The following ASB9 variants were observed in gnomAD, a reference collection of about 807,000 sequenced individuals.
ASB9 encodes the protein ankyrin repeat and SOCS box containing 9, also known as ankyrin repeat and SOCS box protein 9.
A neutral mutation model predicts 16.6 loss-of-function variants in ASB9; 5 were observed. The ratio of observed to expected loss-of-function variants is 0.30; its 90% CI spans 0.16 to 0.63. The LOEUF is 0.63. Ranked by LOEUF, ASB9 falls within the 30% of genes least tolerant of loss-of-function variation. ASB9 has a pLI of 0.82. For missense variants in ASB9, 216 were observed against 229.4 expected (o/e 0.94, Z 0.38); for synonymous variants, 100 against 86.4 (o/e 1.16, Z -0.87).
intron 5 of ASB9, among the ~76,000 whole-genome samples, 199 bp downstream of exon 5, chrX:15,250,231 C>T (rs1015259205): frequency 3.6e-5 from 4 of 110,712 alleles, no homozygotes; most frequent in Admixed American, 9.6e-5. Flanking sequence ...CCTCCTCCTC[C>T]TCATCCTTGT....
upstream of ASB9, chrX:15,270,420 T>C (rs1255228482): frequency 8.9e-6 from 1 of 112,559 alleles, no homozygotes; most frequent in East Asian, 2.8e-4. Flanking sequence ...GCAGCCCTGC[T>C]GAATTGCTTG....
chrX:15,248,392 C>A (rs760834107), intron 6 of ASB9, among the ~76,000 whole-genome samples: 2 of 112,236 alleles, frequency 1.8e-5, no homozygotes, highest in Admixed American at 9.4e-5. Flanking sequence ...CGGCCTCTTA[C>A]AACCCCAAAG....
At chrX:15,252,118 C>T in intron 4 of ASB9, 136 bp downstream of exon 4, 1 of 680,283 alleles carries the variant, frequency 1.5e-6, no homozygotes, top group Non-Finnish European at 2.1e-6. Context: ...CAGGCCAGGT[C>T]ATGCTGATGC....
rs1280305153 is a variant in ASB9, at chrX:15,252,114, A to G, written c.433+140T>C. The G allele has an allele frequency of 2.6e-5, 17 of 641,739 alleles. No homozygotes were observed. The East Asian group carries it at 5.5e-4, about 21-fold the overall frequency. 52.9% of individuals were successfully genotyped at this position (641,739 alleles called of 1,213,427 possible). ...GCCGAAGAATCTGCATTTGCAGGCC[A>G]GGTCATGCTGATGCTTCCAGTCCTG... On this transcript the variant is annotated intron_variant, in intron 4 of 6. Transcript: ENST00000380488.
intron 1 of ASB9, among the ~76,000 whole-genome samples, chrX:15,260,852 C>T (rs991994272): frequency 8.9e-6 from 1 of 112,207 alleles, no homozygotes; most frequent in Admixed American, 9.5e-5. Flanking sequence ...TGTCTGCCAC[C>T]TGAAGCCATC....
intron 2 of ASB9, among the ~76,000 whole-genome samples, chrX:15,257,590 C>T (rs1925678568): frequency 9.0e-6 from 1 of 111,569 alleles, no homozygotes; most frequent in Admixed American, 9.5e-5. Flanking sequence ...AGTTCATCAT[C>T]AAGCTACAGT....
In ASB9 at chrX:15,252,236, A is replaced by T; in HGVS notation, c.433+18T>A. The T allele has an allele frequency of 8.5e-7, 1 of 1,180,061 alleles. No individual in the cohort carries two copies. The highest frequency in any genetic ancestry group is 1.1e-6 in the Non-Finnish European group (1 of 881,100). On this transcript the variant is annotated intron_variant, in intron 4 of 6. Coordinates refer to ENST00000380488, the MANE Select transcript of ASB9 (RefSeq NM_001031739.3). ...CCTTGAAGGAGTGGGTAGAAAAAAA[A>T]ATTCTCAACAGATTTACCTCTCCTA...
At chrX:15,269,660 C>A in intron 1 of ASB9, 121 bp downstream of exon 1, 1 of 450,189 alleles carries the variant, frequency 2.2e-6, no homozygotes, top group Non-Finnish European at 3.7e-6. Context: ...GAGCTGTGGA[C>A]ATCTGCCCAG....
intron 1 of ASB9, among the ~76,000 whole-genome samples, chrX:15,267,250 A>G (rs1420710962): frequency 1.9e-5 from 2 of 107,025 alleles, no homozygotes; most frequent in Non-Finnish European, 3.9e-5. Flanking sequence ...TACAAAAAAA[A>G]AACACCCCAA....
chrX:15,267,417 A>AATAT (rs1555934602), intron 1 of ASB9, among the ~76,000 whole-genome samples: 5,932 of 76,002 alleles, frequency 0.078, 136 homozygotes, highest in East Asian at 0.14. Context: ...CTAAAAAAAA[A>AATAT]ATATATATAT....
chrX:15,248,574 C>T, intron 6 of ASB9, 170 bp downstream of exon 6: 1 of 830,269 alleles, frequency 1.2e-6, no homozygotes, highest in South Asian at 3.4e-5. Context: ...TGTACTGTGA[C>T]CAGTACTGTA....
At chrX:15,263,974 A>T (rs2147657203) in intron 1 of ASB9, among the ~76,000 whole-genome samples, 1 of 111,685 alleles carries the variant, frequency 9.0e-6, no homozygotes, top group African/African-American at 3.2e-5. Flanking sequence ...GTAGGTATAA[A>T]TTAGCCTCCT....
rs372392399 is a variant in ASB9 at position 15,260,347 on chromosome X, G to A, written c.95-1402C>T. 3.9e-4 allele frequency among the ~76,000 whole-genome samples: 44 copies of A among 111,903 alleles called. 1 individual carries two copies. Among genetic ancestry groups the A allele is most frequent in the African/African-American group, 1.2e-3 (36 of 30,758 alleles). On this transcript the variant is annotated intron_variant, in intron 1 of 6. Coordinates refer to ENST00000380488, the MANE Select transcript of ASB9 (RefSeq NM_001031739.3). ...CGGGAGGCGGAGGTTGCAGTGAGCC[G>A]AGATCATGCCACTGCACTCCAGCCT...
At chrX:15,255,180 A>C (rs1925440449) in intron 2 of ASB9, among the ~76,000 whole-genome samples, 1 of 111,609 alleles carries the variant, frequency 9.0e-6, no homozygotes, top group Non-Finnish European at 1.9e-5. Flanking sequence ...CAAAAACTGC[A>C]AACAAACCAA....
chrX:15,256,543 C>G (rs1925556652), intron 2 of ASB9, among the ~76,000 whole-genome samples: 1 of 106,686 alleles, frequency 9.4e-6, no homozygotes, highest in African/African-American at 3.4e-5. Context: ...TTTGGGAGGC[C>G]GAGGCAGGCG....
intron 1 of ASB9, among the ~76,000 whole-genome samples, chrX:15,267,098 T>C (rs1439547043): frequency 1.8e-5 from 2 of 113,686 alleles, no homozygotes; most frequent in Non-Finnish European, 3.7e-5. Context: ...TTTGCTGTTT[T>C]AAAAATATAT....
chrX:15,253,463 G>A (rs911640513), intron 3 of ASB9, among the ~76,000 whole-genome samples: 1 of 108,900 alleles, frequency 9.2e-6, no homozygotes, highest in Non-Finnish European at 1.9e-5. Context: ...AGCCAAGTGT[G>A]GTGGTGCGTG....
intron 6 of ASB9, among the ~76,000 whole-genome samples, chrX:15,246,342 G>A (rs775385698): frequency 6.2e-5 from 7 of 112,335 alleles, no homozygotes; most frequent in Non-Finnish European, 1.3e-4. Flanking sequence ...CAGATTTGCA[G>A]TCACTTGCTG....
Position 15,244,416 on chromosome X carries a change from T to G in ASB9, c.*90A>C. On this transcript the variant is annotated 3_prime_UTR_variant, in exon 7 of 7. Transcript: ENST00000380488. ...ATCTAATCGAAAAAACTAGTCAAACTCTATAAATCCAACTTGATTTTAAAA... is the reference window on the plus strand; with the variant it reads ...ATCTAATCGAAAAAACTAGTCAAACGCTATAAATCCAACTTGATTTTAAAA... 1 of 1,030,384 alleles carries G rather than the reference T, an allele frequency of 9.7e-7. No homozygotes were observed. Among genetic ancestry groups the G allele is most frequent in the South Asian group, 2.1e-5 (1 of 47,180 alleles). The allele number at this position is 1,030,384 out of a possible 1,213,427, so 84.9% of individuals were successfully genotyped here.
Sources: allele counts gnomAD v4.1 joint callset (sites outside exome capture counted in the v4.1 genomes callset), GRCh38; gene constraint gnomAD v4.1.1; transcripts MANE v1.5; gene names NCBI Gene and HGNC (gene_info 2026-07-23, HGNC 2026-07-21).